The following TTC6 variants were observed in gnomAD, a reference collection of about 807,000 sequenced individuals.
The protein encoded by TTC6 is tetratricopeptide repeat domain 6, also known as tetratricopeptide repeat protein 6.
In TTC6, 172 loss-of-function variants were observed where a neutral mutation model predicts 210.4. That is an observed-to-expected ratio of 0.82 (90% CI 0.72 to 0.93). The LOEUF (loss-of-function observed/expected upper bound fraction) is 0.93, where lower values mean the gene tolerates loss of function less well. Among genes scored for constraint, TTC6 ranks in the 40% least tolerant of loss-of-function variants. The pLI, the probability that TTC6 is intolerant of heterozygous loss-of-function variation, is 0.00. For synonymous variants in TTC6, 804 were observed against 819.6 expected, an observed-to-expected ratio of 0.98 and a Z score of 0.32; for missense variants, 2,414 against 2,318.1, an observed-to-expected ratio of 1.04 and a Z score of -0.85.
intron 20 of TTC6, among the ~76,000 whole-genome samples, chr14:37,804,427 C>T (rs1012359307): frequency 2.0e-5 from 3 of 152,198 alleles, no homozygotes; most frequent in Admixed American, 6.5e-5. Context: ...AAATCCATGT[C>T]CATAAGCCTG....
At chr14:37,614,678 T>A (rs921250822) in intron 2 of TTC6, among the ~76,000 whole-genome samples, 2 of 152,154 alleles carry the variant, frequency 1.3e-5, no homozygotes, top group Admixed American at 1.3e-4. Flanking sequence ...GTCTTTATTT[T>A]GTTTACCTTT....
chr14:37,836,576 A>G (rs1391624426), intron 29 of TTC6, among the ~76,000 whole-genome samples: 1 of 152,114 alleles, frequency 6.6e-6, no homozygotes. Context: ...AGTGTAGACA[A>G]ATTATCTGGG....
intron 1 of TTC6, among the ~76,000 whole-genome samples, chr14:37,633,092 T>C (rs1017201960): frequency 3.9e-5 from 6 of 152,190 alleles, no homozygotes; most frequent in African/African-American, 1.2e-4. Flanking sequence ...GCGAGACCAC[T>C]TGGCTCCCTG....
intron 27 of TTC6, 106 bp downstream of exon 29, chr14:37,824,063 A>G (rs2096164675): frequency 9.4e-7 from 1 of 1,065,294 alleles, no homozygotes; most frequent in Non-Finnish European, 1.4e-6. Flanking sequence ...GGTTATGAAC[A>G]TTTACCTTTT....
At chr14:37,718,407 A>C (rs2095856082) in intron 6 of TTC6, among the ~76,000 whole-genome samples, 1 of 152,204 alleles carries the variant, frequency 6.6e-6, no homozygotes, top group South Asian at 2.1e-4. Context: ...GTAGGAATAG[A>C]GGGAAACTTC....
chr14:37,669,358 A>C (rs550472033), intron 1 of TTC6, among the ~76,000 whole-genome samples: 36 of 152,284 alleles, frequency 2.4e-4, no homozygotes, highest in African/African-American at 8.7e-4. Flanking sequence ...GCACGTGTGC[A>C]CCTGCCCCAG....
At chr14:37,832,651 T>G (rs1400732867) in intron 29 of TTC6, among the ~76,000 whole-genome samples, 1 of 152,172 alleles carries the variant, frequency 6.6e-6, no homozygotes, top group African/African-American at 2.4e-5. Flanking sequence ...TGATGTTTTA[T>G]TCCCTTGTGG....
At chr14:37,782,225 C>T (rs1351933366) in intron 14 of TTC6, among the ~76,000 whole-genome samples, 1 of 152,076 alleles carries the variant, frequency 6.6e-6, no homozygotes, top group Non-Finnish European at 1.5e-5. Context: ...GGCAGTATGA[C>T]CATTTTCACG....
intron 14 of TTC6, among the ~76,000 whole-genome samples, chr14:37,783,541 C>T (rs1482955947): frequency 6.6e-6 from 1 of 151,700 alleles, no homozygotes; most frequent in African/African-American, 2.4e-5. Context: ...ATTAGTCTTG[C>T]TAGTGGTCTA....
exon 10 of TTC6, chr14:37,738,795 A>G (rs2095909126): frequency 6.6e-7 from 1 of 1,504,510 alleles, no homozygotes; most frequent in East Asian, 2.5e-5. Context: ...TCTTCTGTAG[A>G]CTTGAGGAAG....
chr14:37,757,648 T>C (rs1263233442), intron 14 of TTC6, among the ~76,000 whole-genome samples: 1 of 152,174 alleles, frequency 6.6e-6, no homozygotes, highest in Non-Finnish European at 1.5e-5. Context: ...CCTGGATTCA[T>C]TGATTATTTG....
chr14:37,622,555 G>T, exon 1 of TTC6: 2 of 1,534,902 alleles, frequency 1.3e-6, no homozygotes, highest in Non-Finnish European at 8.7e-7. Context: ...CGCAGAGCGC[G>T]CGGGGTCTTG....
At chr14:37,663,251 G>A (rs933235709) in intron 1 of TTC6, among the ~76,000 whole-genome samples, 1 of 152,060 alleles carries the variant, frequency 6.6e-6, no homozygotes, top group Admixed American at 6.6e-5. Flanking sequence ...TGCGTTGATT[G>A]TGTATCCTGA....
At chr14:37,804,686 G>A in exon 21 of TTC6, 1 of 1,613,106 alleles carries the variant, frequency 6.2e-7, no homozygotes, top group Non-Finnish European at 8.5e-7. Context: ...ATAGGAAGCT[G>A]TGGAAGTGCT....
chr14:37,617,653 A>G (rs2095644922), upstream of TTC6, among the ~76,000 whole-genome samples: 1 of 152,154 alleles, frequency 6.6e-6, no homozygotes, highest in Non-Finnish European at 1.5e-5. Flanking sequence ...GGTAAATGAC[A>G]ATGAGGACAC....
Position 37,598,570 on chromosome 14 carries a change from G to A in TTC6, c.-235+2562G>A, listed in dbSNP as rs1373532932. Among the ~76,000 whole-genome samples the A allele has an allele frequency of 1.3e-5, 2 of 152,204 alleles. No homozygotes were observed. The highest frequency in any genetic ancestry group is 4.8e-5 in the African/African-American group (2 of 41,468). On this transcript the variant is annotated intron_variant, in intron 1 of 2. Coordinates refer to the TTC6 transcript ENST00000556845. The surrounding 1 kb of genome is among the most constrained non-coding windows in gnomAD (Gnocchi z 4.9). Reference sequence around the variant, plus strand: ...TGCCTCAGCTTACACTTCCCAGCAGGATCTGGCTGGGAGCCCCTTCCTCAG... The same window carrying A: ...TGCCTCAGCTTACACTTCCCAGCAGAATCTGGCTGGGAGCCCCTTCCTCAG...
At chr14:37,787,242 G>A (rs1326739060) in intron 14 of TTC6, among the ~76,000 whole-genome samples, 1 of 152,262 alleles carries the variant, frequency 6.6e-6, no homozygotes, top group African/African-American at 2.4e-5. Context: ...TAATTAATAT[G>A]TAGAATGTAC....
At chr14:37,621,477 G>A (rs2095651001), upstream of TTC6, among the ~76,000 whole-genome samples, 1 of 152,062 alleles carries the variant, frequency 6.6e-6, no homozygotes, top group South Asian at 2.1e-4. Flanking sequence ...TGGATGTGGT[G>A]TACCACATTT....
At chr14:37,804,612 G>T (rs1026662249) in intron 20 of TTC6, 68 bp from the exon 23 acceptor site, 9 of 1,557,934 alleles carry the variant, frequency 5.8e-6, no homozygotes, top group Non-Finnish European at 7.0e-6. Context: ...AACATATAAG[G>T]CTGTAACGTT....
Sources: allele counts gnomAD v4.1 joint callset (sites outside exome capture counted in the v4.1 genomes callset), GRCh38; gene constraint gnomAD v4.1.1; non-coding constraint Gnocchi (gnomAD v3.1); transcripts MANE v1.5; gene names NCBI Gene and HGNC (gene_info 2026-07-23, HGNC 2026-07-21).